MYO5C: variants seen among roughly 807,000 people sequenced by gnomAD.
The protein encoded by MYO5C is unconventional myosin-Vc.
In MYO5C, 194 loss-of-function variants were observed where a neutral mutation model predicts 235.7. That is an observed-to-expected ratio of 0.82 (90% confidence interval 0.73 to 0.93). The LOEUF (loss-of-function observed/expected upper bound fraction) is 0.93. Among genes scored for constraint, MYO5C ranks in the 40% least tolerant of loss-of-function variants. The pLI, the probability that MYO5C is intolerant of heterozygous loss-of-function variation, is 0.00. For missense variants in MYO5C, 2,038 were observed against 2,127.2 expected, an observed-to-expected ratio of 0.96 and a Z score of 0.82; for synonymous variants, 707 against 754.8, an observed-to-expected ratio of 0.94 and a Z score of 1.04.
intron 32 of MYO5C, 136 bp downstream of exon 32, chr15:52,218,383 G>A: frequency 2.2e-6 from 2 of 899,330 alleles, no homozygotes; most frequent in South Asian, 3.6e-5. Flanking sequence ...TGTCTTTTGG[G>A]ATAAGAAAAC....
chr15:52,199,189 C>T (rs562237619), intron 38 of MYO5C, among the ~76,000 whole-genome samples: 28 of 152,142 alleles, frequency 1.8e-4, no homozygotes, highest in African/African-American at 4.1e-4. Flanking sequence ...CCACCACGCC[C>T]GGCCCTACTT....
In MYO5C at chr15:52,225,489, T is replaced by C. The variant is rs1483951165; in HGVS notation, c.3251A>G (p.Gln1084Arg). ...FEKEIELLQAQKIDVEKHVQS... is the reference protein window; with the variant it reads ...FEKEIELLQARKIDVEKHVQS... ...CACATGTTTCTCCACATCTATCTTC[T>C]GTGCCTGAAGTAGTTCTATCTCTTT... is the stretch of plus-strand genomic sequence containing the variant. The change falls in exon 26 of 41, where the codon CAG (glutamine) becomes CGG (arginine). Residue 1084 changes from glutamine (Q) to arginine (R), a missense_variant. Gln to Arg is a conservative substitution (Grantham distance 43). Coordinates refer to ENST00000261839, the MANE Select transcript of MYO5C (RefSeq NM_018728.4). 2 of 1,613,818 alleles carry C rather than the reference T, an allele frequency of 1.2e-6. No individual in the cohort carries two copies. Among genetic ancestry groups the C allele is most frequent in the Non-Finnish European group, 1.7e-6 (2 of 1,179,940 alleles).
chr15:52,208,925 C>G (rs1295142163), intron 35 of MYO5C, among the ~76,000 whole-genome samples: 1 of 152,138 alleles, frequency 6.6e-6, no homozygotes, highest in South Asian at 2.1e-4. Flanking sequence ...CTCCTAAGTT[C>G]ACACTCTCAC....
Position 52,229,299 on chromosome 15 carries a change from CT to C in MYO5C, c.3040del (p.Ser1014ValfsTer4). 6.2e-7 allele frequency: 1 copy of C among 1,613,376 alleles called. No individual in the cohort carries two copies. Among genetic ancestry groups the C allele is most frequent in the Non-Finnish European group, 8.5e-7 (1 of 1,179,936 alleles). Reference sequence around the variant, plus strand: ...ATAGTCTTGTGTTTTCAGTTCAAAACTTTTTTCAAGAAGCCTACGCAGCAAA... The same window carrying C: ...ATAGTCTTGTGTTTTCAGTTCAAAACTTTTTCAAGAAGCCTACGCAGCAAA... ...EERQRMLLEK[S>X]FELKTQDYEK... On this transcript the variant is annotated frameshift_variant, in exon 25 of 41. Coordinates refer to ENST00000261839, the MANE Select transcript of MYO5C (RefSeq NM_018728.4). LOFTEE classifies it high-confidence loss of function.
At position 52,219,763 on chromosome 15, in the gene MYO5C, T is replaced by G; in HGVS notation, c.3781A>C (p.Arg1261=). The change falls in exon 31 of 41, where the codon AGA becomes CGA. Residue 1261 remains arginine, a synonymous_variant. Transcript: ENST00000261839. ...TACACACATATTTACACTTACTTTC[T>G]TTGTGTTCCTTCCTCCTCTTGACTG... ...HRSQEEEGTQ[R]KALEAQNEIH... 1 of 1,610,804 alleles carries G rather than the reference T, an allele frequency of 6.2e-7. No individual in the cohort carries two copies. Among genetic ancestry groups the G allele is most frequent in the Admixed American group, 1.7e-5 (1 of 59,934 alleles).
intron 20 of MYO5C, among the ~76,000 whole-genome samples, chr15:52,241,234 G>A (rs2036213319): frequency 6.6e-6 from 1 of 151,198 alleles, no homozygotes; most frequent in Admixed American, 6.6e-5. Flanking sequence ...AGTCTGTGGG[G>A]TGGCAGTGGG....
In MYO5C at chr15:52,211,653, C is replaced by T. The variant is rs139318237; in HGVS notation, c.4296+77G>A. The T allele has an allele frequency of 2.7e-3, 4,061 of 1,485,274 alleles. 83 individuals are homozygous for T. The East Asian group carries it at 0.044, about 16-fold the overall frequency. 92.0% of individuals were successfully genotyped at this position (1,485,274 alleles called of 1,614,324 possible). ...TGTGGCTCACCACACAATGGAGGCT[C>T]AGGATGGGCAAAGACTGGGCATCTG... On this transcript the variant is annotated intron_variant, in intron 35 of 40. Coordinates refer to ENST00000261839, the MANE Select transcript of MYO5C (RefSeq NM_018728.4).
Position 52,248,741 on chromosome 15 carries a change from T to C in MYO5C, c.1705A>G (p.Thr569Ala). 1 of 1,614,178 alleles carries C rather than the reference T, an allele frequency of 6.2e-7. No homozygotes were observed. Among genetic ancestry groups the C allele is most frequent in the Non-Finnish European group, 8.5e-7 (1 of 1,180,010 alleles). The change falls in exon 14 of 41, where the codon ACC (threonine) becomes GCC (alanine). Residue 569 changes from threonine (T) to alanine (A), a missense_variant. By Grantham distance (58) the Thr-to-Ala change is moderately conservative. Coordinates refer to ENST00000261839, the MANE Select transcript of MYO5C (RefSeq NM_018728.4). ...CEGFLEKNRD[T>A]VYDMLVEILR... is the part of the protein sequence containing the mutation. ...ATTTCAACCAGCATGTCATAGACGG[T>C]GTCTCTGTTTTTCTCCAGGAAACCT...
At chr15:52,218,429 T>A (rs1348992699) in intron 32 of MYO5C, 90 bp downstream of exon 32, 1 of 1,252,996 alleles carries the variant, frequency 8.0e-7, no homozygotes, top group Admixed American at 2.0e-5. Flanking sequence ...GGTCTATAGA[T>A]GTTAATCATA....
At position 52,282,382 on chromosome 15, in the gene MYO5C, G is replaced by A. The variant is rs531808398; in HGVS notation, c.138+400C>T. Among the ~76,000 whole-genome samples, 21 of 152,100 alleles carry A rather than the reference G, an allele frequency of 1.4e-4. No individual in the cohort carries two copies. In the East Asian group the frequency reaches 2.7e-3, roughly 20 times the overall value. ...CATCTTGATGTTTTTCTCTACCAGC[G>A]TATGCCTTGGGCTCAAACGACTTCT... On this transcript the variant is annotated intron_variant, in intron 2 of 40. Coordinates refer to ENST00000261839, the MANE Select transcript of MYO5C (RefSeq NM_018728.4).
chr15:52,221,111 G>A (rs973283605), intron 30 of MYO5C, 51 bp downstream of exon 30: 11 of 1,389,544 alleles, frequency 7.9e-6, no homozygotes, highest in South Asian at 4.9e-5. Flanking sequence ...TGTCATTTCC[G>A]GGGTACAGGA....
chr15:52,258,696 T>C (rs1377725756), intron 10 of MYO5C, among the ~76,000 whole-genome samples: 1 of 152,172 alleles, frequency 6.6e-6, no homozygotes. Flanking sequence ...CCCTGCTGCC[T>C]AGAGGAAAGC....
In MYO5C at chr15:52,237,468, C is replaced by T. The variant is rs377388907; in HGVS notation, c.2868+14G>A. On this transcript the variant is annotated intron_variant, in intron 22 of 40. Transcript: ENST00000261839. ...CCGCATATTTCCATCCCGTCTCACA[C>T]GCCCGCAGCTGACCTCTTCCACAGC... 88 of 1,611,054 alleles carry T rather than the reference C, an allele frequency of 5.5e-5. No individual in the cohort carries two copies. The East Asian group carries it at 9.4e-4, about 17-fold the overall frequency.
chr15:52,264,363 G>A lies in MYO5C; in HGVS notation c.941-67C>T, dbSNP rs968766462. 6 of 1,261,614 alleles carry A rather than the reference G, an allele frequency of 4.8e-6. No individual in the cohort carries two copies. The African/African-American group carries it at 5.9e-5, about 12-fold the overall frequency. The allele number at this position is 1,261,614 out of a possible 1,614,324, so 78.2% of individuals were successfully genotyped here. On this transcript the variant is annotated intron_variant, in intron 8 of 40. Coordinates refer to ENST00000261839, the MANE Select transcript of MYO5C (RefSeq NM_018728.4). ...TCTCTGACTAGTAAGATGGGCACCTGGATTCATTCAAGATATGCAGGTAGC... is the reference window on the plus strand; with the variant it reads ...TCTCTGACTAGTAAGATGGGCACCTAGATTCATTCAAGATATGCAGGTAGC...
intron 5 of MYO5C, among the ~76,000 whole-genome samples, chr15:52,275,058 C>T (rs994881750): frequency 6.6e-5 from 10 of 152,210 alleles, no homozygotes; most frequent in Non-Finnish European, 1.5e-4. Flanking sequence ...CTCTCTGTCC[C>T]AGTCAGTAGT....
chr15:52,264,049 C>A (rs1463661133), intron 9 of MYO5C, 141 bp downstream of exon 9: 4 of 603,368 alleles, frequency 6.6e-6, no homozygotes, highest in Non-Finnish European at 5.8e-6. Flanking sequence ...CCCTGGAAAC[C>A]CTTGCCGCCT....
At chr15:52,216,436 C>T (rs916829710) in intron 32 of MYO5C, among the ~76,000 whole-genome samples, 1 of 152,124 alleles carries the variant, frequency 6.6e-6, no homozygotes, top group Non-Finnish European at 1.5e-5. Context: ...GCTGGTTGAA[C>T]TCCTGGCCTC....
In MYO5C at chr15:52,193,068, CA is replaced by C. The variant is rs1264626539; in HGVS notation, c.*833del. 6.6e-6 allele frequency: 1 copy of C among 152,124 alleles called. No individual in the cohort carries two copies. The highest frequency in any genetic ancestry group is 2.4e-5 in the African/African-American group (1 of 41,418). The allele number at this position is 152,124 out of a possible 1,614,324, so 9.4% of individuals were successfully genotyped here. On this transcript the variant is annotated 3_prime_UTR_variant, in exon 41 of 41. Coordinates refer to ENST00000261839, the MANE Select transcript of MYO5C (RefSeq NM_018728.4). The stretch of plus-strand genomic sequence containing the variant: ...CGGTGGCACACGCCTGTAATCCTAG[CA>C]CTTTGGGAGGCTGAGGTGGGCGGAT...
intron 15 of MYO5C, among the ~76,000 whole-genome samples, 186 bp downstream of exon 15, chr15:52,247,272 G>T (rs533842042): frequency 6.6e-6 from 1 of 152,296 alleles, no homozygotes; most frequent in East Asian, 1.9e-4. Flanking sequence ...GTTTGCTCCA[G>T]TGCGTGCTGC....
Sources: gnomAD v4.1 joint callset for allele counts (sites outside exome capture counted in the v4.1 genomes callset) on GRCh38, gnomAD v4.1.1 for gene constraint, MANE v1.5 for transcripts, NCBI Gene and HGNC (gene_info 2026-07-23, HGNC 2026-07-21) for gene names.